Variants in TP53INP2 observed in about 807,000 individuals in gnomAD.
The protein encoded by TP53INP2 is tumor protein p53-inducible nuclear protein 2.
A neutral mutation model predicts 17.1 loss-of-function variants in TP53INP2; 12 were observed. That is an observed-to-expected ratio of 0.70 (90% CI 0.45 to 1.14). The LOEUF (loss-of-function observed/expected upper bound fraction) is 1.14. TP53INP2 is among the 50% of genes most tolerant of loss of function. The pLI is 0.00. For synonymous variants in TP53INP2, 145 were observed against 147.3 expected, an observed-to-expected ratio of 0.98 and a Z score of 0.12; for missense variants, 342 against 330.9, an observed-to-expected ratio of 1.03 and a Z score of -0.26.
chr20:34,707,604 A>G (rs1407251193), intron 2 of TP53INP2, among the ~76,000 whole-genome samples: 1 of 152,118 alleles, frequency 6.6e-6, no homozygotes, highest in Non-Finnish European at 1.5e-5. Context: ...CTGGAATCTG[A>G]TTGTGTGGAT....
chr20:34,708,840 G>A lies in TP53INP2; in HGVS notation c.101G>A (p.Gly34Asp), dbSNP rs756704320. 13 of 1,613,886 alleles carry A rather than the reference G, an allele frequency of 8.1e-6. No homozygotes were observed. The highest frequency in any genetic ancestry group is 1.7e-5 in the Admixed American group (1 of 59,994). Residue 34 changes from glycine to aspartate, a missense_variant, in exon 3 of 5, where the codon GGC becomes GAC. Transcript: ENST00000374810. ...AFVSEEDEVD[G>D]WLIIDLPDSY... Reference sequence around the variant, plus strand: ...GTGTCGGAGGAGGATGAAGTGGACGGCTGGCTCATCATTGACCTGCCGGGT... The same window carrying A: ...GTGTCGGAGGAGGATGAAGTGGACGACTGGCTCATCATTGACCTGCCGGGT...
rs1988265599 is a variant in TP53INP2, at chr20:34,713,435, C to G, written c.*3128C>G. On this transcript the variant is annotated 3_prime_UTR_variant, in exon 5 of 5. Coordinates refer to ENST00000374810, the MANE Select transcript of TP53INP2 (RefSeq NM_021202.3). ...AACAAATAAAAATATATTTAAAGCA[C>G]ATGATCCTTTCTGCCTGAGTTGAGC... 1 of 152,550 alleles carries G rather than the reference C, an allele frequency of 6.6e-6. No homozygotes were observed. Among genetic ancestry groups the G allele is most frequent in the Non-Finnish European group, 1.5e-5 (1 of 68,046 alleles). 9.4% of individuals were successfully genotyped at this position (152,550 alleles called of 1,614,324 possible).
rs780256774 is a variant in TP53INP2, at chr20:34,709,392, G to C, written c.281G>C (p.Ser94Thr). The change falls in exon 4 of 5, where the codon AGT (serine) becomes ACT (threonine). Residue 94 changes from serine (S) to threonine (T), a missense_variant. Transcript: ENST00000374810. This position sits in a 1 kb window ranked among gnomAD's most constrained non-coding sequence, Gnocchi z 5.4. ...CTCGGTCCCGCCCGCCTCCAGAGCA[G>C]TCCCCTGGAGGACCTCCTCATCGAG... ...PGLGPARLQS[S>T]PLEDLLIEHP... 1.1e-5 allele frequency: 18 copies of C among 1,613,886 alleles called. No homozygotes were observed. In the South Asian group the frequency reaches 1.9e-4, roughly 17 times the overall value.
chr20:34,710,645 T>A lies in TP53INP2; in HGVS notation c.*338T>A. 1 of 227,578 alleles carries A rather than the reference T, an allele frequency of 4.4e-6. No individual in the cohort carries two copies. The highest frequency in any genetic ancestry group is 8.4e-5 in the East Asian group (1 of 11,926). The allele number at this position is 227,578 out of a possible 1,614,324, so 14.1% of individuals were successfully genotyped here. ...TCTACCTCTGGCCTGCCCCTATTTC[T>A]GAAAGCTTCTTCCAGTCCCTGATCT... On this transcript the variant is annotated 3_prime_UTR_variant, in exon 5 of 5. Transcript: ENST00000374810. This position sits in a 1 kb window ranked among gnomAD's most constrained non-coding sequence, Gnocchi z 4.9.
In TP53INP2 at chr20:34,709,676, G is replaced by A; in HGVS notation, c.413+152G>A. The stretch of plus-strand genomic sequence containing the variant: ...GAGGGTTGCCTTTGAGACAAAGTGG[G>A]GGGCCGGTGGGCCTCCGGGCGAGGC... On this transcript the variant is annotated intron_variant, in intron 4 of 4. Transcript: ENST00000374810. This position sits in a 1 kb window ranked among gnomAD's most constrained non-coding sequence, Gnocchi z 5.4. 1 of 1,429,956 alleles carries A rather than the reference G, an allele frequency of 7.0e-7. No homozygotes were observed. Among genetic ancestry groups the A allele is most frequent in the Non-Finnish European group, 9.1e-7 (1 of 1,096,168 alleles). The allele number at this position is 1,429,956 out of a possible 1,614,324, so 88.6% of individuals were successfully genotyped here.
Position 34,709,533 on chromosome 20 carries a change from G to A in TP53INP2, c.413+9G>A. On this transcript the variant is annotated intron_variant, in intron 4 of 4. Coordinates refer to ENST00000374810, the MANE Select transcript of TP53INP2 (RefSeq NM_021202.3). This position sits in a 1 kb window ranked among gnomAD's most constrained non-coding sequence, Gnocchi z 5.4. ...GGCGACCTCAGCGAAGGGTGAGCGG[G>A]CCGGGGGCGGAGCCTGGAGGCCCAG... is the stretch of plus-strand genomic sequence containing the variant. The A allele has an allele frequency of 1.2e-6, 2 of 1,601,270 alleles. No homozygotes were observed. Among genetic ancestry groups the A allele is most frequent in the Non-Finnish European group, 1.7e-6 (2 of 1,178,088 alleles).
At position 34,709,609 on chromosome 20, in the gene TP53INP2, G is replaced by A. The variant is rs1988114136; in HGVS notation, c.413+85G>A. On this transcript the variant is annotated intron_variant, in intron 4 of 4. Coordinates refer to ENST00000374810, the MANE Select transcript of TP53INP2 (RefSeq NM_021202.3). The surrounding 1 kb of genome is among the most constrained non-coding windows in gnomAD (Gnocchi z 5.4). The stretch of plus-strand genomic sequence containing the variant: ...CCAGGCTAGGAGGCTGGGGTAGTGG[G>A]GCCAGGAGCCCGCCCCGCGCTCGAG... The A allele has an allele frequency of 6.8e-7, 1 of 1,465,734 alleles. No homozygotes were observed. The highest frequency in any genetic ancestry group is 9.0e-7 in the Non-Finnish European group (1 of 1,116,912). 90.8% of individuals were successfully genotyped at this position (1,465,734 alleles called of 1,614,324 possible). A position where few individuals can be genotyped will look rare whatever the true frequency, so the allele number is the denominator to read the frequency against.
At position 34,709,481 on chromosome 20, in the gene TP53INP2, C is replaced by T; in HGVS notation, c.370C>T (p.Pro124Ser). 1 of 1,612,678 alleles carries T rather than the reference C, an allele frequency of 6.2e-7. No individual in the cohort carries two copies. The highest frequency in any genetic ancestry group is 8.5e-7 in the Non-Finnish European group (1 of 1,179,848). Residue 124 changes from proline (P) to serine (S), a missense_variant, in exon 4 of 5, where the codon CCG (proline) becomes TCG (serine). Physicochemically the swap from Pro to Ser is moderately conservative, Grantham distance 74 (BLOSUM62 -1). Transcript: ENST00000374810. The surrounding 1 kb of genome is among the most constrained non-coding windows in gnomAD (Gnocchi z 5.4). ...AGTGCTAGAGCCCGGGTCCCCTTCC[C>T]CGCTCCCGGACGCGGCCCTGCCTGA... ...TIVLEPGSPS[P>S]LPDAALPDGD... is the part of the protein sequence containing the mutation.
chr20:34,709,257 G>A lies in TP53INP2; in HGVS notation c.146G>A (p.Ser49Asn), dbSNP rs758630291. ...GTAGACAGCTACGCGGCTCCACCCAGCCCCGGGGCCGCCCCTGCCCCCGCG... is the reference window on the plus strand; with the variant it reads ...GTAGACAGCTACGCGGCTCCACCCAACCCCGGGGCCGCCCCTGCCCCCGCG... ...DLPDSYAAPPSPGAAPAPAGR... is the reference protein window; with the variant it reads ...DLPDSYAAPPNPGAAPAPAGR... The change falls in exon 4 of 5, where the codon AGC becomes AAC. Residue 49 changes from serine (S) to asparagine (N), a missense_variant. By Grantham distance (46) the Ser-to-Asn change is conservative (BLOSUM62 1). Coordinates refer to ENST00000374810, the MANE Select transcript of TP53INP2 (RefSeq NM_021202.3). The surrounding 1 kb of genome is among the most constrained non-coding windows in gnomAD (Gnocchi z 5.4). 14 of 1,577,098 alleles carry A rather than the reference G, an allele frequency of 8.9e-6. No homozygotes were observed. In the African/African-American group the frequency reaches 1.8e-4, roughly 20 times the overall value.
chr20:34,709,246 G>C lies in TP53INP2; in HGVS notation c.135G>C (p.Ala45=). Residue 45 remains alanine, a synonymous_variant, in exon 4 of 5, where the codon GCG becomes GCC. Coordinates refer to ENST00000374810, the MANE Select transcript of TP53INP2 (RefSeq NM_021202.3). This position sits in a 1 kb window ranked among gnomAD's most constrained non-coding sequence, Gnocchi z 5.4. ...WLIIDLPDSY[A]APPSPGAAPA... ...TCCCGCGCCCCGTAGACAGCTACGC[G>C]GCTCCACCCAGCCCCGGGGCCGCCC... 1 of 1,565,208 alleles carries C rather than the reference G, an allele frequency of 6.4e-7. No homozygotes were observed. The highest frequency in any genetic ancestry group is 8.7e-7 in the Non-Finnish European group (1 of 1,155,292).
rs1988110726 is a variant in TP53INP2, at chr20:34,709,532, G to C, written c.413+8G>C. ...CGGCGACCTCAGCGAAGGGTGAGCG[G>C]GCCGGGGGCGGAGCCTGGAGGCCCA... On this transcript the variant is annotated splice_region_variant and intron_variant, in intron 4 of 4. Coordinates refer to ENST00000374810, the MANE Select transcript of TP53INP2 (RefSeq NM_021202.3). The surrounding 1 kb of genome is among the most constrained non-coding windows in gnomAD (Gnocchi z 5.4). 1 of 1,601,390 alleles carries C rather than the reference G, an allele frequency of 6.2e-7. No individual in the cohort carries two copies. Among genetic ancestry groups the C allele is most frequent in the Non-Finnish European group, 8.5e-7 (1 of 1,178,066 alleles).
Position 34,710,445 on chromosome 20 carries a change from T to G in TP53INP2, c.*138T>G, listed in dbSNP as rs916628230. The G allele has an allele frequency of 4.1e-6, 4 of 970,530 alleles. No individual in the cohort carries two copies. Among genetic ancestry groups the G allele is most frequent in the Non-Finnish European group, 4.0e-6 (3 of 745,516 alleles). The allele number at this position is 970,530 out of a possible 1,614,324, so 60.1% of individuals were successfully genotyped here. A position where few individuals can be genotyped will look rare whatever the true frequency, so the allele number is the denominator to read the frequency against. ...GATAGCCGTTCCTTCCCCGACACCC[T>G]CAATTTCCCCATCTCTGATCCTCTA... On this transcript the variant is annotated 3_prime_UTR_variant, in exon 5 of 5. Transcript: ENST00000374810. This position sits in a 1 kb window ranked among gnomAD's most constrained non-coding sequence, Gnocchi z 4.9.
Position 34,712,095 on chromosome 20 carries a change from A to G in TP53INP2, c.*1788A>G, listed in dbSNP as rs1255396439. ...GTCTCCTATTCCAGGGAATAAGCCA[A>G]ATTAACACTAAAAACGGATCAAAGC... On this transcript the variant is annotated 3_prime_UTR_variant, in exon 5 of 5. Transcript: ENST00000374810. 1 of 152,666 alleles carries G rather than the reference A, an allele frequency of 6.6e-6. No individual in the cohort carries two copies. The highest frequency in any genetic ancestry group is 1.5e-5 in the Non-Finnish European group (1 of 68,082). 9.5% of individuals were successfully genotyped at this position (152,666 alleles called of 1,614,324 possible). A position where few individuals can be genotyped will look rare whatever the true frequency, so the allele number is the denominator to read the frequency against.
Position 34,709,618 on chromosome 20 carries a change from C to T in TP53INP2, c.413+94C>T, listed in dbSNP as rs895030368. ...GAGGCTGGGGTAGTGGGGCCAGGAGCCCGCCCCGCGCTCGAGGGGGTAGCG... is the reference window on the plus strand; with the variant it reads ...GAGGCTGGGGTAGTGGGGCCAGGAGTCCGCCCCGCGCTCGAGGGGGTAGCG... On this transcript the variant is annotated intron_variant, in intron 4 of 4. Transcript: ENST00000374810. The surrounding 1 kb of genome is among the most constrained non-coding windows in gnomAD (Gnocchi z 5.4). 7 of 1,455,478 alleles carry T rather than the reference C, an allele frequency of 4.8e-6. 1 individual carries two copies. The Middle Eastern group carries it at 1.1e-3, about 234-fold the overall frequency. The allele number at this position is 1,455,478 out of a possible 1,614,324, so 90.2% of individuals were successfully genotyped here. A position where few individuals can be genotyped will look rare whatever the true frequency, so the allele number is the denominator to read the frequency against.
chr20:34,708,377 C>CT (rs1988048421), intron 2 of TP53INP2, among the ~76,000 whole-genome samples: 1 of 152,006 alleles, frequency 6.6e-6, no homozygotes, highest in South Asian at 2.1e-4. Context: ...TTATTAGAGC[C>CT]TGGAGGAGGA....
intron 2 of TP53INP2, among the ~76,000 whole-genome samples, chr20:34,705,832 G>A (rs1364700492): frequency 6.6e-6 from 1 of 152,160 alleles, no homozygotes; most frequent in Non-Finnish European, 1.5e-5. Flanking sequence ...AGTTATTAAA[G>A]GGAATGGTTC....
chr20:34,705,277 C>G (rs1987982058), intron 1 of TP53INP2, 81 bp from the exon 2 acceptor site: 1 of 152,196 alleles, frequency 6.6e-6, no homozygotes, highest in Admixed American at 6.5e-5. Flanking sequence ...ATCCTCCTTC[C>G]ACTGGGGACC....
rs1988117269 is a variant in TP53INP2, at chr20:34,709,679, G to A, written c.413+155G>A. ...GGTTGCCTTTGAGACAAAGTGGGGGGCCGGTGGGCCTCCGGGCGAGGCTAG... is the reference window on the plus strand; with the variant it reads ...GGTTGCCTTTGAGACAAAGTGGGGGACCGGTGGGCCTCCGGGCGAGGCTAG... On this transcript the variant is annotated intron_variant, in intron 4 of 4. Coordinates refer to ENST00000374810, the MANE Select transcript of TP53INP2 (RefSeq NM_021202.3). This position sits in a 1 kb window ranked among gnomAD's most constrained non-coding sequence, Gnocchi z 5.4. Among the ~76,000 whole-genome samples, 2 of 152,124 alleles carry A rather than the reference G, an allele frequency of 1.3e-5. No homozygotes were observed. Among genetic ancestry groups the A allele is most frequent in the South Asian group, 2.1e-4 (1 of 4,824 alleles).
chr20:34,707,558 A>G (rs1249776699), intron 2 of TP53INP2, among the ~76,000 whole-genome samples: 2 of 152,190 alleles, frequency 1.3e-5, no homozygotes, highest in South Asian at 2.1e-4. Context: ...GACACCCAGA[A>G]AAGGCAATAG....
Sources: allele counts gnomAD v4.1 joint callset (sites outside exome capture counted in the v4.1 genomes callset), GRCh38; gene constraint gnomAD v4.1.1; non-coding constraint Gnocchi (gnomAD v3.1); transcripts MANE v1.5; gene names NCBI Gene and HGNC (gene_info 2026-07-23, HGNC 2026-07-21).